Variants in TP53BP1 observed in about 807,000 individuals in gnomAD.
The protein encoded by TP53BP1 is tumor protein p53 binding protein 1.
TP53BP1 carries 61 observed loss-of-function variants against 200.8 expected under a neutral mutation model. The observed-to-expected ratio is 0.30, with a 90% CI of 0.25 to 0.38. TP53BP1 has a LOEUF of 0.38. Among genes scored for constraint, TP53BP1 ranks in the 10% least tolerant of loss-of-function variants. The probability of loss-of-function intolerance (pLI) is 1.00; values close to 1 mark genes in which losing one functional copy is unlikely to be tolerated. For missense variants in TP53BP1, 2,144 were observed against 2,371.9 expected (o/e 0.90, Z 2.00); for synonymous variants, 822 against 844.3 (o/e 0.97, Z 0.46).
intron 16 of TP53BP1, 114 bp from the exon 17 acceptor site, chr15:43,432,791 A>C (rs996590942): frequency 1.7e-6 from 2 of 1,175,392 alleles, no homozygotes; most frequent in South Asian, 3.4e-5. Flanking sequence ...ATATTTTGAC[A>C]ATTTGAGAAA....
In TP53BP1 at chr15:43,493,128, TCGCCACCGC is replaced by T; in HGVS notation, c.-94_-86del. On this transcript the variant is annotated 5_prime_UTR_variant, in exon 1 of 28. Transcript: ENST00000382044. ...CAGATCGATCCCTAGGTCGCCGCTGTCGCCACCGCCGCCACCGGCCGCGAACTCCCCCTT... is the reference window on the plus strand; with the variant it reads ...CAGATCGATCCCTAGGTCGCCGCTGTCGCCACCGGCCGCGAACTCCCCCTT... 5 of 1,590,176 alleles carry T rather than the reference TCGCCACCGC, an allele frequency of 3.1e-6. No homozygotes were observed. The highest frequency in any genetic ancestry group is 4.3e-6 in the Non-Finnish European group (5 of 1,172,230).
intron 18 of TP53BP1, among the ~76,000 whole-genome samples, chr15:43,424,025 TC>T (rs2045469429): frequency 1.3e-5 from 2 of 152,172 alleles, no homozygotes; most frequent in African/African-American, 4.8e-5. Flanking sequence ...CTACTAGTCT[TC>T]CCCTTGGATT....
At chr15:43,418,991 AG>A (rs1416916937) in intron 21 of TP53BP1, among the ~76,000 whole-genome samples, 1 of 152,224 alleles carries the variant, frequency 6.6e-6, no homozygotes, top group African/African-American at 2.4e-5. Flanking sequence ...AGGCCAAGGC[AG>A]GTAGATCACC....
chr15:43,445,649 T>C (rs1383259547), intron 14 of TP53BP1, among the ~76,000 whole-genome samples: 2 of 152,222 alleles, frequency 1.3e-5, no homozygotes, highest in Non-Finnish European at 2.9e-5. Context: ...AGTACTATTA[T>C]GGAAATGAGA....
At chr15:43,439,849 C>A (rs1000317937) in intron 15 of TP53BP1, among the ~76,000 whole-genome samples, 1 of 152,176 alleles carries the variant, frequency 6.6e-6, no homozygotes, top group African/African-American at 2.4e-5. Flanking sequence ...CAAGTACAGA[C>A]TAATAACAAC....
At position 43,420,642 on chromosome 15, in the gene TP53BP1, C is replaced by T. The variant is rs1186432224; in HGVS notation, c.4344G>A (p.Val1448=). 4.3e-6 allele frequency: 7 copies of T among 1,614,222 alleles called. No individual in the cohort carries two copies. ...DKSFSRVVPR[V]PDSTRRTDVG... ...CATCTGTTCGTCTGGTGGAGTCTGG[C>T]ACTCGGGGCACGACACGGCTGAAGG... The change falls in exon 21 of 28, where the codon GTG becomes GTA. Residue 1448 remains valine (V), a synonymous_variant. Coordinates refer to ENST00000382044, the MANE Select transcript of TP53BP1 (RefSeq NM_001141980.3).
intron 4 of TP53BP1, among the ~76,000 whole-genome samples, chr15:43,490,682 C>T (rs2079109545): frequency 6.6e-6 from 1 of 152,134 alleles, no homozygotes; most frequent in East Asian, 1.9e-4. Flanking sequence ...CTGAGAAGCA[C>T]TGATTAGTTA....
chr15:43,404,835 A>C lies in TP53BP1; in HGVS notation c.*2548T>G, dbSNP rs1429280845. The C allele has an allele frequency of 1.3e-5, 6 of 478,946 alleles. No individual in the cohort carries two copies. The East Asian group carries it at 1.8e-4, about 14-fold the overall frequency. The allele number at this position is 478,946 out of a possible 1,614,324, so 29.7% of individuals were successfully genotyped here. ...GGGAGGCAGTGGGCCTTCCACTCCC[A>C]ATTCTGATATGAACTAGCTGTGCAG... On this transcript the variant is annotated 3_prime_UTR_variant, in exon 28 of 28. Transcript: ENST00000382044.
Position 43,422,163 on chromosome 15 carries a change from C to A in TP53BP1, c.3829-37G>T, listed in dbSNP as rs954319647. 3.8e-6 allele frequency: 6 copies of A among 1,596,790 alleles called. No homozygotes were observed. The African/African-American group carries it at 6.8e-5, about 18-fold the overall frequency. Reference sequence around the variant, plus strand: ...AAATAGATACAGAAGATAAAAGATGCCATAATAACACAATGCTAATATGAT... The same window carrying A: ...AAATAGATACAGAAGATAAAAGATGACATAATAACACAATGCTAATATGAT... On this transcript the variant is annotated intron_variant, in intron 18 of 27. Transcript: ENST00000382044.
chr15:43,448,804 G>A (rs1483038530), intron 12 of TP53BP1, among the ~76,000 whole-genome samples: 1 of 152,156 alleles, frequency 6.6e-6, no homozygotes, highest in African/African-American at 2.4e-5. Flanking sequence ...AGAAATAAAG[G>A]ATTAAAGTAC....
intron 11 of TP53BP1, among the ~76,000 whole-genome samples, chr15:43,465,632 G>A (rs907406708): frequency 3.9e-5 from 6 of 152,038 alleles, no homozygotes; most frequent in Non-Finnish European, 7.4e-5. Flanking sequence ...TCTAAATTGA[G>A]AGGGCCTGCC....
At chr15:43,441,695 A>T (rs892778252) in intron 14 of TP53BP1, 112 bp from the exon 15 acceptor site, 32 of 686,250 alleles carry the variant, frequency 4.7e-5, no homozygotes, top group Non-Finnish European at 8.1e-5. Context: ...AACAAAAAGA[A>T]ATAAAAATAA....
At chr15:43,435,362 GCT>G (rs542127023) in intron 16 of TP53BP1, among the ~76,000 whole-genome samples, 21 of 150,942 alleles carry the variant, frequency 1.4e-4, no homozygotes, top group African/African-American at 4.6e-4. Flanking sequence ...TCTGAGTGTA[GCT>G]CTGTTTATGA....
At chr15:43,453,880 A>G (rs1198087851) in intron 12 of TP53BP1, among the ~76,000 whole-genome samples, 1 of 151,876 alleles carries the variant, frequency 6.6e-6, no homozygotes, top group East Asian at 1.9e-4. Context: ...AAAAAGTACT[A>G]TTAATAATCA....
intron 12 of TP53BP1, among the ~76,000 whole-genome samples, chr15:43,454,304 C>T (rs1353180323): frequency 1.3e-5 from 2 of 152,038 alleles, no homozygotes; most frequent in South Asian, 2.1e-4. Context: ...ATCCTAAAAA[C>T]TTGTTTTCTT....
chr15:43,505,512 C>T (rs2079231361), intron 1 of TP53BP1, among the ~76,000 whole-genome samples: 1 of 152,086 alleles, frequency 6.6e-6, no homozygotes, highest in Admixed American at 6.6e-5. Flanking sequence ...TTTTGGGAAT[C>T]ACTTTCTTAA....
intron 16 of TP53BP1, among the ~76,000 whole-genome samples, chr15:43,437,212 T>C (rs555921403): frequency 1.8e-4 from 27 of 152,168 alleles, no homozygotes; most frequent in African/African-American, 6.5e-4. Context: ...TGAAAAACTT[T>C]AAATTTGGGA....
intron 4 of TP53BP1, among the ~76,000 whole-genome samples, chr15:43,490,969 T>C (rs975642865): frequency 2.0e-5 from 3 of 152,164 alleles, no homozygotes; most frequent in South Asian, 2.1e-4. Flanking sequence ...ATGGTAACAA[T>C]TGAATCTTGT....
Position 43,409,638 on chromosome 15 carries a change from A to C in TP53BP1, c.5400+9T>G. The C allele has an allele frequency of 6.7e-7, 1 of 1,487,478 alleles. No individual in the cohort carries two copies. The highest frequency in any genetic ancestry group is 9.1e-7 in the Non-Finnish European group (1 of 1,103,220). The allele number at this position is 1,487,478 out of a possible 1,614,324, so 92.1% of individuals were successfully genotyped here. ...CCACTATATTAGGTTACACAAAGAA[A>C]CTCCTCACCTGGGCTTCATTGAAAT... On this transcript the variant is annotated intron_variant, in intron 25 of 27. Transcript: ENST00000382044.
Sources: allele counts gnomAD v4.1 joint callset (sites outside exome capture counted in the v4.1 genomes callset), GRCh38; gene constraint gnomAD v4.1.1; transcripts MANE v1.5; gene names NCBI Gene and HGNC (gene_info 2026-07-23, HGNC 2026-07-21).